PTPRD: variants seen among roughly 807,000 people sequenced by gnomAD.
The protein encoded by PTPRD is receptor-type tyrosine-protein phosphatase delta.
Under a neutral mutation model 214.5 loss-of-function variants are expected in PTPRD, and 34 were observed. That is an observed-to-expected ratio of 0.16 (90% CI 0.12 to 0.21). PTPRD has a LOEUF of 0.21. PTPRD is among the 10% of genes least tolerant of loss of function. PTPRD has a pLI of 1.00. For missense variants in PTPRD, 2,545 were observed against 2,398.7 expected (o/e 1.06, Z -1.27); for synonymous variants, 1,128 against 845.7 (o/e 1.33, Z -5.79).
chr9:10,117,501 G>C (rs944529269), intron 3 of PTPRD, among the ~76,000 whole-genome samples: 7 of 152,080 alleles, frequency 4.6e-5, no homozygotes, highest in Admixed American at 2.0e-4. Flanking sequence ...AAAAGCTCTA[G>C]GGGAGAATAC....
At chr9:8,546,600 G>A (rs562102078) in intron 14 of PTPRD, among the ~76,000 whole-genome samples, 2 of 152,084 alleles carry the variant, frequency 1.3e-5, no homozygotes, top group South Asian at 4.2e-4. Context: ...CCAGTTTCAA[G>A]AGATTCTCCT....
At chr9:10,312,785 C>G (rs1459668366) in intron 3 of PTPRD, among the ~76,000 whole-genome samples, 1 of 151,770 alleles carries the variant, frequency 6.6e-6, no homozygotes, top group Non-Finnish European at 1.5e-5. Context: ...TACCATTTCA[C>G]TGACCTTGGA....
chr9:8,784,983 T>C (rs1354408601), intron 11 of PTPRD, among the ~76,000 whole-genome samples: 1 of 152,146 alleles, frequency 6.6e-6, no homozygotes, highest in Non-Finnish European at 1.5e-5. Context: ...GAGAGCACCA[T>C]TACAACAGCT....
chr9:8,843,997 C>A (rs917272582), intron 11 of PTPRD, among the ~76,000 whole-genome samples: 2 of 152,142 alleles, frequency 1.3e-5, no homozygotes, highest in South Asian at 4.1e-4. Context: ...ATGGTCATCA[C>A]CCATGATGAA....
chr9:8,353,544 T>C (rs753710298), intron 39 of PTPRD, among the ~76,000 whole-genome samples: 3 of 152,098 alleles, frequency 2.0e-5, no homozygotes. Context: ...GTGATTCTCC[T>C]GCCTCAGCCT....
chr9:8,375,690 T>G (rs1374422935), intron 39 of PTPRD, among the ~76,000 whole-genome samples: 1 of 152,116 alleles, frequency 6.6e-6, no homozygotes, highest in Non-Finnish European at 1.5e-5. Context: ...TTTGTGTTTA[T>G]TTATTTCTCT....
chr9:8,439,386 G>A (rs752312978), intron 34 of PTPRD, among the ~76,000 whole-genome samples: 5 of 152,198 alleles, frequency 3.3e-5, no homozygotes, highest in African/African-American at 1.2e-4. Context: ...CTTCTGAACA[G>A]AGAAGGGTCT....
At chr9:9,392,344 C>T (rs1275063283) in intron 9 of PTPRD, among the ~76,000 whole-genome samples, 2 of 152,176 alleles carry the variant, frequency 1.3e-5, no homozygotes, top group African/African-American at 4.8e-5. Flanking sequence ...GACTTCTGTA[C>T]ATTACAGATA....
intron 3 of PTPRD, among the ~76,000 whole-genome samples, chr9:10,121,113 C>A (rs1294046339): frequency 6.6e-6 from 1 of 152,032 alleles, no homozygotes; most frequent in African/African-American, 2.4e-5. Flanking sequence ...TTTCAATATT[C>A]TTTAAACTTG....
chr9:9,909,648 TTC>T (rs1281486707), intron 5 of PTPRD, among the ~76,000 whole-genome samples: 3 of 152,094 alleles, frequency 2.0e-5, no homozygotes, highest in Admixed American at 2.0e-4. Context: ...CTTTTTTAAT[TTC>T]TCAATTTAAT....
intron 11 of PTPRD, among the ~76,000 whole-genome samples, chr9:8,851,622 T>G (rs1226632637): frequency 6.6e-6 from 1 of 152,206 alleles, no homozygotes; most frequent in Non-Finnish European, 1.5e-5. Context: ...TAGGAACTAG[T>G]GTTCTTGAAT....
chr9:10,369,258 A>T (rs1328393203), intron 2 of PTPRD, among the ~76,000 whole-genome samples: 1 of 152,128 alleles, frequency 6.6e-6, no homozygotes, highest in Admixed American at 6.6e-5. Flanking sequence ...CAGTTTTAAC[A>T]GTTCAAGATG....
At chr9:10,296,368 A>T (rs1022207007) in intron 3 of PTPRD, among the ~76,000 whole-genome samples, 2 of 151,936 alleles carry the variant, frequency 1.3e-5, no homozygotes, top group Admixed American at 6.6e-5. Context: ...GACCCCCCTC[A>T]CCCAGCCATG....
At chr9:10,065,574 G>T (rs746333522) in intron 3 of PTPRD, among the ~76,000 whole-genome samples, 1 of 151,616 alleles carries the variant, frequency 6.6e-6, no homozygotes, top group African/African-American at 2.4e-5. Context: ...TGATACATTT[G>T]TGTTCCCTAG....
chr9:9,163,620 CTATG>C (rs2099895124), intron 10 of PTPRD, among the ~76,000 whole-genome samples: 1 of 151,962 alleles, frequency 6.6e-6, no homozygotes, highest in Non-Finnish European at 1.5e-5. Context: ...TACAGTGCAC[CTATG>C]AGAATACAGT....
At chr9:9,453,776 A>C (rs2092600519) in intron 8 of PTPRD, among the ~76,000 whole-genome samples, 1 of 151,704 alleles carries the variant, frequency 6.6e-6, no homozygotes, top group Non-Finnish European at 1.5e-5. Flanking sequence ...GGTTTCAAAT[A>C]TTTGTTTAAA....
intron 11 of PTPRD, among the ~76,000 whole-genome samples, chr9:8,907,998 G>T: frequency 6.6e-6 from 1 of 152,148 alleles, no homozygotes; most frequent in East Asian, 1.9e-4. Context: ...TCTAGAAACA[G>T]TATGGTCACA....
intron 8 of PTPRD, among the ~76,000 whole-genome samples, chr9:9,462,935 C>T (rs1488330440): frequency 1.3e-5 from 2 of 151,984 alleles, no homozygotes; most frequent in African/African-American, 4.8e-5. Context: ...TCTTTGTCAC[C>T]GATTGTATAG....
chr9:9,687,889 T>C (rs1419563607), intron 7 of PTPRD, among the ~76,000 whole-genome samples: 4 of 151,798 alleles, frequency 2.6e-5, no homozygotes, highest in Non-Finnish European at 4.4e-5. Flanking sequence ...AACTCTTATC[T>C]CGAATTGTAA....
Sources: allele counts gnomAD v4.1 joint callset (sites outside exome capture counted in the v4.1 genomes callset), GRCh38; gene constraint gnomAD v4.1.1; transcripts MANE v1.5; gene names NCBI Gene and HGNC (gene_info 2026-07-23, HGNC 2026-07-21).